Variants in NAV2 observed in about 807,000 individuals in gnomAD.
The protein encoded by NAV2 is neuron navigator 2.
Under a neutral mutation model 223.2 loss-of-function variants are expected in NAV2, and 54 were observed. The ratio of observed to expected loss-of-function variants is 0.24; its 90% CI spans 0.19 to 0.30. The LOEUF is 0.30. NAV2 is among the 10% of genes least tolerant of loss of function. The pLI is 1.00. For missense variants in NAV2, 2,806 were observed against 3,147.5 expected (o/e 0.89, Z 2.60); for synonymous variants, 1,279 against 1,239.3 (o/e 1.03, Z -0.67).
intron 1 of NAV2, among the ~76,000 whole-genome samples, chr11:19,555,445 C>A (rs919579705): frequency 6.7e-6 from 1 of 148,956 alleles, no homozygotes; most frequent in Non-Finnish European, 1.5e-5. Context: ...ACTCCCAGAC[C>A]TGGGGGGGGC....
upstream of NAV2, among the ~76,000 whole-genome samples, chr11:19,349,702 T>C (rs1853193183): frequency 6.6e-6 from 1 of 152,174 alleles, no homozygotes; most frequent in East Asian, 1.9e-4. Flanking sequence ...TGTTGATGCA[T>C]GATCTTCCTA....
At chr11:19,403,759 C>T (rs1434116658) in intron 1 of NAV2, among the ~76,000 whole-genome samples, 1 of 151,988 alleles carries the variant, frequency 6.6e-6, no homozygotes, top group Admixed American at 6.5e-5. Flanking sequence ...ATGTCAGGTG[C>T]CAGGTGGCTA....
intron 1 of NAV2, among the ~76,000 whole-genome samples, chr11:19,544,568 A>G (rs1043586474): frequency 1.3e-5 from 2 of 152,176 alleles, no homozygotes; most frequent in Non-Finnish European, 2.9e-5. Context: ...TCCACCCTTG[A>G]ACACCTGTCT....
chr11:20,080,023 T>C (rs778477781), intron 24 of NAV2, 41 bp from the exon 25 acceptor site: 3 of 1,607,852 alleles, frequency 1.9e-6, no homozygotes, highest in Non-Finnish European at 2.5e-6. Context: ...AGAATAGGGC[T>C]CAGGTTGGCA....
rs138871724 is a variant in NAV2, at chr11:20,045,119, C to G, written c.3351C>G (p.Ala1117=). Residue 1117 remains alanine, a synonymous_variant, in exon 14 of 38, where the codon GCC becomes GCG. Coordinates refer to ENST00000349880, the MANE Select transcript of NAV2 (RefSeq NM_145117.5). ...PSSSRTPTAN[A]NSFGFKKQSG... ...GCTCTAGGACACCTACTGCCAATGCCAACAGCTTTGGGTTCAAGAAGCAGA... is the reference window on the plus strand; with the variant it reads ...GCTCTAGGACACCTACTGCCAATGCGAACAGCTTTGGGTTCAAGAAGCAGA... 7 of 1,614,028 alleles carry G rather than the reference C, an allele frequency of 4.3e-6. No individual in the cohort carries two copies. The African/African-American group carries it at 9.3e-5, about 22-fold the overall frequency.
chr11:19,843,180 T>C (rs79267943), intron 3 of NAV2, among the ~76,000 whole-genome samples: 2,717 of 152,348 alleles, frequency 0.018, 77 homozygotes, highest in African/African-American at 0.062. Context: ...ACACAAATTA[T>C]GCAGAACTGG....
At chr11:19,762,147 G>A (rs2054804583) in intron 1 of NAV2, among the ~76,000 whole-genome samples, 1 of 152,216 alleles carries the variant, frequency 6.6e-6, no homozygotes, top group Non-Finnish European at 1.5e-5. Flanking sequence ...GGAGGCTGAG[G>A]CAGGAGAATC....
chr11:19,898,565 A>G (rs184249804), intron 6 of NAV2, among the ~76,000 whole-genome samples: 1 of 152,290 alleles, frequency 6.6e-6, no homozygotes, highest in East Asian at 1.9e-4. Flanking sequence ...CATTGTATGG[A>G]TTTACCACAA....
At chr11:20,075,250 A>G (rs1213156258) in intron 22 of NAV2, among the ~76,000 whole-genome samples, 1 of 146,962 alleles carries the variant, frequency 6.8e-6, no homozygotes, top group Admixed American at 6.8e-5. Flanking sequence ...ACAGAGTCTC[A>G]TCCCGCTCTG....
At chr11:19,736,240 T>G (rs1991195) in intron 1 of NAV2, among the ~76,000 whole-genome samples, 150,457 of 152,270 alleles carry the variant, frequency 0.99, 74,350 homozygotes, top group Middle Eastern at 1. Context: ...GAAAGTAGTA[T>G]GTGAGGCTGA....
At position 19,831,251 on chromosome 11, in the gene NAV2, G is replaced by C. The variant is rs113701624; in HGVS notation, c.268-1233G>C. ...GGGGGGGGGGGGCGCGATGGGGAGTGGGGGGGGATGACCATTGTGTGGGAT... is the reference window on the plus strand; with the variant it reads ...GGGGGGGGGGGGCGCGATGGGGAGTCGGGGGGGATGACCATTGTGTGGGAT... On this transcript the variant is annotated intron_variant, in intron 1 of 37. Coordinates refer to ENST00000349880, the MANE Select transcript of NAV2 (RefSeq NM_145117.5). 7.4e-5 allele frequency among the ~76,000 whole-genome samples: 10 copies of C among 135,630 alleles called. 2 individuals carry two copies. Among genetic ancestry groups the C allele is most frequent in the Middle Eastern group, 3.7e-3 (1 of 272 alleles). 89.0% of individuals were successfully genotyped at this position (135,630 alleles called of 152,430 possible).
At chr11:19,533,174 C>T (rs952950629) in intron 1 of NAV2, among the ~76,000 whole-genome samples, 2 of 152,154 alleles carry the variant, frequency 1.3e-5, no homozygotes, top group African/African-American at 4.8e-5. Context: ...ATCAACATTT[C>T]AACCAGGAAT....
Position 19,609,694 on chromosome 11 carries a change from C to T in NAV2, c.76-222790C>T, listed in dbSNP as rs558717841. Reference sequence around the variant, plus strand: ...TGCATGCCTCACCCAGCCTTAACTGCGGAGGGAGGGGGTTATTACCATTAA... The same window carrying T: ...TGCATGCCTCACCCAGCCTTAACTGTGGAGGGAGGGGGTTATTACCATTAA... On this transcript the variant is annotated intron_variant, in intron 1 of 37. Transcript: ENST00000360655. Among the ~76,000 whole-genome samples, 43 of 152,156 alleles carry T rather than the reference C, an allele frequency of 2.8e-4. No individual in the cohort carries two copies. In the East Asian group the frequency reaches 3.1e-3, roughly 11 times the overall value.
intron 1 of NAV2, among the ~76,000 whole-genome samples, chr11:19,684,336 T>C (rs935670575): frequency 1.3e-5 from 2 of 152,150 alleles, no homozygotes; most frequent in African/African-American, 4.8e-5. Flanking sequence ...TATTGACTCA[T>C]GTGTCAATGC....
At chr11:19,511,101 C>T in intron 1 of NAV2, 1 of 152,200 alleles carries the variant, frequency 6.6e-6, no homozygotes, top group Non-Finnish European at 1.5e-5. Flanking sequence ...TCATCAGGAT[C>T]ACACAGCCAG....
intron 1 of NAV2, among the ~76,000 whole-genome samples, chr11:19,802,578 A>G (rs1306717468): frequency 6.6e-6 from 1 of 152,128 alleles, no homozygotes; most frequent in African/African-American, 2.4e-5. Context: ...TAGGCCTTAT[A>G]GTGCCAGTAT....
At chr11:19,383,958 T>G (rs533833849) in intron 1 of NAV2, among the ~76,000 whole-genome samples, 80 of 152,278 alleles carry the variant, frequency 5.3e-4, no homozygotes, top group Admixed American at 1.6e-3. Context: ...ATGTTGCATA[T>G]AAGTGAAAAG....
chr11:19,640,615 G>A (rs1312228488), intron 1 of NAV2, among the ~76,000 whole-genome samples: 3 of 152,122 alleles, frequency 2.0e-5, no homozygotes, highest in African/African-American at 7.2e-5. Context: ...CATCTTCTAT[G>A]CCTGAGAGAA....
At chr11:19,413,814 C>T (rs979255999) in intron 1 of NAV2, among the ~76,000 whole-genome samples, 1 of 152,146 alleles carries the variant, frequency 6.6e-6, no homozygotes, top group Non-Finnish European at 1.5e-5. Flanking sequence ...AATTTCATAT[C>T]CAGCCAAACT....
Sources: allele counts gnomAD v4.1 joint callset (sites outside exome capture counted in the v4.1 genomes callset), GRCh38; gene constraint gnomAD v4.1.1; transcripts MANE v1.5; gene names NCBI Gene and HGNC (gene_info 2026-07-23, HGNC 2026-07-21).